Variants in GSE1 observed in about 807,000 individuals in gnomAD.
GSE1 encodes the protein genetic suppressor element 1.
GSE1 carries 32 observed loss-of-function variants against 112.6 expected under a neutral mutation model. The observed-to-expected ratio is 0.28, with a 90% CI of 0.21 to 0.38. GSE1 has a LOEUF of 0.38. Among genes scored for constraint, GSE1 ranks in the 10% least tolerant of loss-of-function variants. GSE1 has a pLI of 1.00. For missense variants in GSE1, 2,348 were observed against 1,699.2 expected, an observed-to-expected ratio of 1.38 and a Z score of -6.71; for synonymous variants, 1,115 against 735.6, an observed-to-expected ratio of 1.52 and a Z score of -8.35.
intron 1 of GSE1, among the ~76,000 whole-genome samples, chr16:85,344,396 C>T (rs1476960545): frequency 6.6e-6 from 1 of 152,220 alleles, no homozygotes; most frequent in Non-Finnish European, 1.5e-5. Context: ...GGGGAGCCTC[C>T]TTGGCTGACT....
rs2052863687 is a variant in GSE1, at chr16:85,666,405, T to C, written c.3130+58T>C. 3 of 1,581,478 alleles carry C rather than the reference T, an allele frequency of 1.9e-6. No homozygotes were observed. The South Asian group carries it at 3.3e-5, about 18-fold the overall frequency. ...GGCTGTGGTTGAGGCTGACCAAAGT[T>C]GCTGAGCGCCACAGCTGCTCAGCCG... On this transcript the variant is annotated intron_variant, in intron 13 of 15. Transcript: ENST00000253458.
At chr16:85,304,989 C>G (rs1222128132) in intron 1 of GSE1, among the ~76,000 whole-genome samples, 1 of 152,220 alleles carries the variant, frequency 6.6e-6, no homozygotes, top group East Asian at 1.9e-4. Context: ...CTTCTCAGGC[C>G]CGCCCAACAC....
chr16:85,550,465 G>A (rs1277861353), intron 2 of GSE1, among the ~76,000 whole-genome samples: 17 of 152,236 alleles, frequency 1.1e-4, no homozygotes, highest in Non-Finnish European at 8.8e-5. Flanking sequence ...TTACCCTAAA[G>A]AGGGAAACGG....
chr16:85,257,491 C>T (rs760119467), intron 1 of GSE1, among the ~76,000 whole-genome samples: 7 of 152,096 alleles, frequency 4.6e-5, no homozygotes, highest in Admixed American at 1.3e-4. Flanking sequence ...GCACATAGCG[C>T]GAGGAAGGAT....
chr16:85,539,194 G>A (rs931471980), intron 2 of GSE1, among the ~76,000 whole-genome samples: 6 of 152,206 alleles, frequency 3.9e-5, no homozygotes, highest in Admixed American at 2.6e-4. Context: ...GGACAGAGCC[G>A]TTTGAACAAC....
chr16:85,254,172 C>T (rs891826898), intron 1 of GSE1, among the ~76,000 whole-genome samples: 3 of 152,200 alleles, frequency 2.0e-5, no homozygotes, highest in African/African-American at 7.2e-5. Flanking sequence ...TGGTTTCTAC[C>T]CTGGTGTACT....
chr16:85,612,028 C>T (rs1400252197), upstream of GSE1, among the ~76,000 whole-genome samples: 1 of 152,070 alleles, frequency 6.6e-6, no homozygotes, highest in African/African-American at 2.4e-5. Context: ...CCAGGGGGTG[C>T]TGGTTTGCCC....
intron 1 of GSE1, among the ~76,000 whole-genome samples, chr16:85,225,950 C>T (rs546340899): frequency 6.4e-4 from 97 of 152,162 alleles, no homozygotes; most frequent in Non-Finnish European, 8.5e-4. Context: ...ATCCACTGGC[C>T]GGGTGGCTCT....
At chr16:85,439,021 C>T (rs112515511) in intron 2 of GSE1, among the ~76,000 whole-genome samples, 2 of 152,328 alleles carry the variant, frequency 1.3e-5, no homozygotes, top group African/African-American at 4.8e-5. Flanking sequence ...CACGGTGAGG[C>T]AAAGCCAAGA....
intron 2 of GSE1, among the ~76,000 whole-genome samples, chr16:85,444,572 T>TCACG (rs1054278078): frequency 7.9e-5 from 12 of 152,236 alleles, no homozygotes; most frequent in African/African-American, 2.9e-4. Flanking sequence ...AGGGCAAAGG[T>TCACG]CACGGCCTGC....
At chr16:85,173,752 A>C (rs1168866938) in intron 1 of GSE1, among the ~76,000 whole-genome samples, 1 of 152,204 alleles carries the variant, frequency 6.6e-6, no homozygotes, top group Non-Finnish European at 1.5e-5. Context: ...ACGCCAGGAA[A>C]CAAGAAGCCG....
chr16:85,341,669 A>T (rs1028771108), intron 1 of GSE1, among the ~76,000 whole-genome samples: 1 of 152,010 alleles, frequency 6.6e-6, no homozygotes. Context: ...AATAAAAATA[A>T]ATAAAAATTT....
At chr16:85,239,751 G>A (rs560372294) in intron 1 of GSE1, among the ~76,000 whole-genome samples, 16 of 152,360 alleles carry the variant, frequency 1.1e-4, no homozygotes, top group African/African-American at 3.8e-4. Context: ...TCCCACCGGG[G>A]CTGTGATTCT....
chr16:85,634,043 C>T lies in GSE1; in HGVS notation c.137C>T (p.Thr46Ile). The T allele has an allele frequency of 6.2e-7, 1 of 1,610,200 alleles. No homozygotes were observed. Among genetic ancestry groups the T allele is most frequent in the Non-Finnish European group, 8.5e-7 (1 of 1,178,396 alleles). Residue 46 changes from threonine to isoleucine, a missense_variant, in exon 2 of 16, where the codon ACC becomes ATC. By Grantham distance (89) the Thr-to-Ile change is moderately conservative. Coordinates refer to ENST00000253458, the MANE Select transcript of GSE1 (RefSeq NM_014615.5). ...GALVPSGSPA[T>I]SSALSAQAAP... ...CTGGTGCCCAGCGGCAGCCCCGCCA[C>T]CAGCAGCGCGCTGTCGGCCCAGGCC... is the stretch of plus-strand genomic sequence containing the variant.
chr16:85,487,617 C>T (rs769914392), intron 2 of GSE1, among the ~76,000 whole-genome samples: 23 of 152,176 alleles, frequency 1.5e-4, no homozygotes, highest in African/African-American at 2.4e-4. Flanking sequence ...GCCAGGCTCT[C>T]GAATCCAGGT....
At chr16:85,367,443 G>A (rs1424736301) in intron 2 of GSE1, among the ~76,000 whole-genome samples, 1 of 152,240 alleles carries the variant, frequency 6.6e-6, no homozygotes, top group Non-Finnish European at 1.5e-5. Context: ...TGCCCCGAGA[G>A]CAGATATTCA....
At chr16:85,449,026 T>C (rs1597789678) in intron 2 of GSE1, among the ~76,000 whole-genome samples, 2 of 152,150 alleles carry the variant, frequency 1.3e-5, no homozygotes, top group African/African-American at 2.4e-5. Flanking sequence ...GGCGTCAATA[T>C]TGACTCTGTC....
chr16:85,555,731 T>A, upstream of GSE1: 1 of 960,292 alleles, frequency 1.0e-6, no homozygotes, highest in Non-Finnish European at 1.2e-6. Flanking sequence ...TGGAAACAGG[T>A]CTCTTGACCC....
At chr16:85,445,266 G>A (rs1019097665) in intron 2 of GSE1, among the ~76,000 whole-genome samples, 1 of 152,244 alleles carries the variant, frequency 6.6e-6, no homozygotes, top group African/African-American at 2.4e-5. Context: ...GCTGACACCA[G>A]GTGTGGCCGC....
Sources: allele counts gnomAD v4.1 joint callset (sites outside exome capture counted in the v4.1 genomes callset), GRCh38; gene constraint gnomAD v4.1.1; transcripts MANE v1.5; gene names NCBI Gene and HGNC (gene_info 2026-07-23, HGNC 2026-07-21).